The following DCC variants were observed in gnomAD, a reference collection of about 807,000 sequenced individuals.
DCC encodes DCC netrin 1 receptor.
DCC carries 58 observed loss-of-function variants against 172.5 expected under a neutral mutation model. The ratio of observed to expected loss-of-function variants is 0.34; its 90% CI spans 0.27 to 0.42. The LOEUF (loss-of-function observed/expected upper bound fraction) is 0.42. DCC is among the 10% of genes least tolerant of loss of function. The pLI, the probability that DCC is intolerant of heterozygous loss-of-function variation, is 1.00. For synonymous variants in DCC, 709 were observed against 644.5 expected (o/e 1.10, Z -1.52); for missense variants, 1,740 against 1,791.0 (o/e 0.97, Z 0.51).
At chr18:53,499,774 T>C (rs1369488032) in intron 27 of DCC, among the ~76,000 whole-genome samples, 1 of 152,176 alleles carries the variant, frequency 6.6e-6, no homozygotes, top group East Asian at 1.9e-4. Flanking sequence ...TTTTAATATG[T>C]GCTATAGGTG....
At chr18:52,894,886 T>C (rs1378067675) in intron 2 of DCC, among the ~76,000 whole-genome samples, 1 of 152,180 alleles carries the variant, frequency 6.6e-6, no homozygotes, top group African/African-American at 2.4e-5. Context: ...AATTTTAATT[T>C]TATCTAGAAA....
intron 1 of DCC, among the ~76,000 whole-genome samples, chr18:52,489,350 CAATTATT>C (rs1175192009): frequency 6.6e-6 from 1 of 152,056 alleles, no homozygotes; most frequent in Admixed American, 6.6e-5. Context: ...CAGTTTTCTA[CAATTATT>C]ATTACACACT....
chr18:53,139,538 A>G (rs538810428), intron 7 of DCC, among the ~76,000 whole-genome samples: 1 of 152,076 alleles, frequency 6.6e-6, no homozygotes, highest in Non-Finnish European at 1.5e-5. Context: ...TATCTTGAAT[A>G]CCTTTTTTGT....
intron 1 of DCC, among the ~76,000 whole-genome samples, chr18:52,521,110 C>T (rs552526625): frequency 6.6e-5 from 10 of 151,906 alleles, no homozygotes; most frequent in South Asian, 2.1e-4. Flanking sequence ...TTCTTTTTCT[C>T]GCTTTGCATG....
At chr18:52,872,657 T>C (rs1410258503) in intron 2 of DCC, among the ~76,000 whole-genome samples, 2 of 152,200 alleles carry the variant, frequency 1.3e-5, no homozygotes, top group Non-Finnish European at 2.9e-5. Context: ...ACTGATAAAG[T>C]TGAACGTGTC....
At chr18:52,350,002 A>C (rs7237626) in intron 1 of DCC, among the ~76,000 whole-genome samples, 129,383 of 152,136 alleles carry the variant, frequency 0.85, 55,098 homozygotes, top group East Asian at 0.89. Context: ...GCCATAGACA[A>C]ACATATGGTC....
chr18:52,945,218 A>C (rs982916347), intron 5 of DCC, among the ~76,000 whole-genome samples: 4 of 152,190 alleles, frequency 2.6e-5, no homozygotes, highest in South Asian at 2.1e-4. Context: ...ATATGAACTT[A>C]GGTTTTAACA....
intron 7 of DCC, among the ~76,000 whole-genome samples, chr18:53,141,357 T>G (rs1189212245): frequency 2.0e-5 from 3 of 152,136 alleles, no homozygotes; most frequent in Non-Finnish European, 2.9e-5. Context: ...AAACAAAGGG[T>G]GGACCAGAAT....
intron 7 of DCC, among the ~76,000 whole-genome samples, chr18:53,141,904 A>T (rs2043836175): frequency 6.6e-6 from 1 of 152,164 alleles, no homozygotes; most frequent in African/African-American, 2.4e-5. Context: ...ATTGAACACC[A>T]AGCTACCTGT....
At chr18:52,681,195 T>C (rs34698079) in intron 1 of DCC, among the ~76,000 whole-genome samples, 70,056 of 151,888 alleles carry the variant, frequency 0.46, 16,315 homozygotes, top group Non-Finnish European at 0.51. Flanking sequence ...ATTTCCTGAG[T>C]TCTCAGTTAG....
At chr18:53,009,630 G>A (rs1032669757) in intron 5 of DCC, among the ~76,000 whole-genome samples, 6 of 151,964 alleles carry the variant, frequency 3.9e-5, no homozygotes, top group African/African-American at 7.2e-5. Context: ...TATAGGTCAT[G>A]GATGGCGGCA....
At chr18:52,417,907 G>A (rs1285714458) in intron 1 of DCC, among the ~76,000 whole-genome samples, 5 of 152,218 alleles carry the variant, frequency 3.3e-5, no homozygotes, top group Non-Finnish European at 7.3e-5. Flanking sequence ...TTGTTCCGTT[G>A]CTGGTGAGGA....
chr18:53,040,523 C>T (rs146962958), intron 5 of DCC, among the ~76,000 whole-genome samples: 364 of 152,026 alleles, frequency 2.4e-3, no homozygotes, highest in South Asian at 4.6e-3. Flanking sequence ...GTTTAAAACA[C>T]GCCAAGCAAG....
At chr18:52,864,950 C>A (rs1482485627) in intron 2 of DCC, among the ~76,000 whole-genome samples, 2 of 152,062 alleles carry the variant, frequency 1.3e-5, no homozygotes, top group African/African-American at 4.8e-5. Flanking sequence ...ACTGCCAGCT[C>A]TGCCTCCCAG....
chr18:52,561,581 G>A (rs1251036798), intron 1 of DCC, among the ~76,000 whole-genome samples: 1 of 152,090 alleles, frequency 6.6e-6, no homozygotes, highest in Non-Finnish European at 1.5e-5. Flanking sequence ...AAAAGCGAAT[G>A]TGGAAACACT....
intron 12 of DCC, among the ~76,000 whole-genome samples, chr18:53,218,700 A>G (rs1337112516): frequency 6.6e-6 from 1 of 152,176 alleles, no homozygotes; most frequent in African/African-American, 2.4e-5. Flanking sequence ...AAGAAATAGT[A>G]TCTTTTCCAG....
chr18:52,730,264 G>A (rs1391730169), intron 1 of DCC, among the ~76,000 whole-genome samples: 1 of 152,148 alleles, frequency 6.6e-6, no homozygotes, highest in African/African-American at 2.4e-5. Flanking sequence ...CTGGGATCTA[G>A]TGAGTAAAGA....
In DCC at chr18:53,226,120, G is replaced by A. The variant is rs534608441; in HGVS notation, c.1911+10523G>A. Among the ~76,000 whole-genome samples, 114 of 152,298 alleles carry A rather than the reference G, an allele frequency of 7.5e-4. 1 individual carries two copies. Among genetic ancestry groups the A allele is most frequent in the Non-Finnish European group, 1.3e-3 (91 of 68,024 alleles). On this transcript the variant is annotated intron_variant, in intron 12 of 28. Coordinates refer to ENST00000442544, the MANE Select transcript of DCC (RefSeq NM_005215.4). ...AGAGAAGGGCTGAGTAGCAGCACAG[G>A]GACTTGAGCCCCAGCCAGGGCTGTT...
intron 15 of DCC, among the ~76,000 whole-genome samples, chr18:53,363,792 G>C (rs1419180560): frequency 6.6e-6 from 1 of 152,112 alleles, no homozygotes; most frequent in Non-Finnish European, 1.5e-5. Context: ...CTTTTAAGTA[G>C]AATGATTTAG....
Sources: allele counts gnomAD v4.1 joint callset (sites outside exome capture counted in the v4.1 genomes callset), GRCh38; gene constraint gnomAD v4.1.1; transcripts MANE v1.5; gene names NCBI Gene and HGNC (gene_info 2026-07-23, HGNC 2026-07-21).